LPP: variants seen among roughly 807,000 people sequenced by gnomAD.
The protein encoded by LPP is lipoma-preferred partner.
In LPP, 38 loss-of-function variants were observed where a neutral mutation model predicts 60.4. The observed-to-expected ratio is 0.63, with a 90% confidence interval of 0.49 to 0.83. LPP has a LOEUF of 0.83. Among genes scored for constraint, LPP ranks in the 40% least tolerant of loss-of-function variants. LPP has a pLI of 0.00. For synonymous variants in LPP, 328 were observed against 290.8 expected (o/e 1.13, Z -1.30); for missense variants, 902 against 783.6 (o/e 1.15, Z -1.80).
intron 9 of LPP, among the ~76,000 whole-genome samples, chr3:188,818,644 A>G (rs781659295): frequency 1.3e-5 from 2 of 152,144 alleles, no homozygotes; most frequent in Non-Finnish European, 2.9e-5. Flanking sequence ...GGATGGAAAG[A>G]GTTTAGACTT....
intron 5 of LPP, among the ~76,000 whole-genome samples, chr3:188,493,773 T>C (rs1227710332): frequency 6.6e-6 from 1 of 152,170 alleles, no homozygotes; most frequent in Non-Finnish European, 1.5e-5. Flanking sequence ...GTTGAAAATA[T>C]ATTTTAATCT....
In LPP at chr3:188,839,518, A is replaced by G. The variant is rs77285568; in HGVS notation, c.1411-26682A>G. On this transcript the variant is annotated intron_variant, in intron 9 of 11. Transcript: ENST00000617246. ...AGGGTTGTTCATTTGAGTAAACAGC[A>G]AGGTGATAAGGCGCAGGGACGGACC... Among the ~76,000 whole-genome samples, 213 of 152,312 alleles carry G rather than the reference A, an allele frequency of 1.4e-3. 2 individuals are homozygous for G. Among genetic ancestry groups the G allele is most frequent in the Admixed American group, 5.8e-3 (88 of 15,292 alleles).
At chr3:188,739,105 T>C (rs1300324710) in intron 8 of LPP, among the ~76,000 whole-genome samples, 1 of 152,104 alleles carries the variant, frequency 6.6e-6, no homozygotes, top group Non-Finnish European at 1.5e-5. Context: ...TTAACATGAT[T>C]GCTTGAAAAG....
At chr3:188,744,615 G>A (rs1725526464) in intron 8 of LPP, among the ~76,000 whole-genome samples, 1 of 152,050 alleles carries the variant, frequency 6.6e-6, no homozygotes, top group Admixed American at 6.6e-5. Context: ...CCTGATAGGT[G>A]GCATAGGAAA....
intron 6 of LPP, among the ~76,000 whole-genome samples, chr3:188,535,104 A>C (rs1207780724): frequency 1.3e-5 from 2 of 151,106 alleles, no homozygotes; most frequent in African/African-American, 4.9e-5. Flanking sequence ...TTCATTTACA[A>C]ATGCGGACAG....
Position 188,889,785 on chromosome 3 carries a change from A to T in LPP, c.*15306A>T. On this transcript the variant is annotated 3_prime_UTR_variant, in exon 12 of 12. Transcript: ENST00000617246. ...TGCTCTAGTCATCATCATTGGATGA[A>T]TCCAGTTGACTCTTTGGCAAAAGGG... is the stretch of plus-strand genomic sequence containing the variant. 4.6e-6 allele frequency: 1 copy of T among 216,962 alleles called. No individual in the cohort carries two copies. Among genetic ancestry groups the T allele is most frequent in the Non-Finnish European group, 9.3e-6 (1 of 107,724 alleles). 13.4% of individuals were successfully genotyped at this position (216,962 alleles called of 1,614,324 possible).
rs565284344 is a variant in LPP at position 188,657,672 on chromosome 3, T to C, written c.1113+47828T>C. Reference sequence around the variant, plus strand: ...CCATATTTCTTCATGATATCCATAGTTTGTCCAACCTAAACAAAGAGCTAG... The same window carrying C: ...CCATATTTCTTCATGATATCCATAGCTTGTCCAACCTAAACAAAGAGCTAG... On this transcript the variant is annotated intron_variant, in intron 7 of 11. Transcript: ENST00000617246. Among the ~76,000 whole-genome samples the C allele has an allele frequency of 4.6e-5, 7 of 152,176 alleles. No homozygotes were observed. The South Asian group carries it at 1.5e-3, about 32-fold the overall frequency.
chr3:188,620,295 A>G (rs1412506070), intron 7 of LPP, among the ~76,000 whole-genome samples: 3 of 152,150 alleles, frequency 2.0e-5, no homozygotes, highest in African/African-American at 7.2e-5. Flanking sequence ...TACACCAGGA[A>G]GAAATCCTCT....
At chr3:188,657,263 T>TATATATATATATATATATATATA (rs1560019880) in intron 7 of LPP, among the ~76,000 whole-genome samples, 16 of 138,452 alleles carry the variant, frequency 1.2e-4, no homozygotes, top group Non-Finnish European at 2.3e-4. Flanking sequence ...AAGGTGTATA[T>TATATATATATATATATATATATA]ATATATATAT....
chr3:188,531,616 A>G (rs1288935476), intron 6 of LPP, among the ~76,000 whole-genome samples: 3 of 152,156 alleles, frequency 2.0e-5, no homozygotes, highest in African/African-American at 7.2e-5. Flanking sequence ...CCTGAAGTGC[A>G]GAGAGGTTTC....
At chr3:188,821,958 A>G (rs1194162871) in intron 9 of LPP, among the ~76,000 whole-genome samples, 1 of 152,086 alleles carries the variant, frequency 6.6e-6, no homozygotes, top group Non-Finnish European at 1.5e-5. Context: ...TGTGGGCTGA[A>G]TTTTGTCCAT....
intron 9 of LPP, among the ~76,000 whole-genome samples, chr3:188,826,341 G>T (rs572812638): frequency 1.3e-5 from 2 of 152,138 alleles, no homozygotes; most frequent in Admixed American, 1.3e-4. Flanking sequence ...TCCTCGTGTC[G>T]ATTCTTGCCC....
chr3:188,839,151 AAG>A (rs1759270567), intron 9 of LPP, among the ~76,000 whole-genome samples: 1 of 152,232 alleles, frequency 6.6e-6, no homozygotes, highest in Non-Finnish European at 1.5e-5. Flanking sequence ...ATCTCTAGGA[AAG>A]AGAGAACCCT....
intron 4 of LPP, among the ~76,000 whole-genome samples, chr3:188,479,119 A>G (rs1473330736): frequency 6.6e-6 from 1 of 152,104 alleles, no homozygotes; most frequent in Non-Finnish European, 1.5e-5. Flanking sequence ...ACCATGATTA[A>G]AAAAGTGTTC....
At chr3:188,509,659 TTCCTTCCTTCCTTCCTTCCTTCCTTC>T (rs1560497263) in intron 5 of LPP, among the ~76,000 whole-genome samples, 16 of 34,378 alleles carry the variant, frequency 4.7e-4, no homozygotes, top group East Asian at 2.0e-3. Flanking sequence ...CCTTCCTTCC[TTCCTTCCTTCCTTCCTTCCTTCCTTC>T]CTCTCTCTCT....
At chr3:188,351,992 C>T (rs149814772) in intron 3 of LPP, among the ~76,000 whole-genome samples, 1 of 152,158 alleles carries the variant, frequency 6.6e-6, no homozygotes, top group Non-Finnish European at 1.5e-5. Context: ...GCACTTACTA[C>T]ATTTTACTCC....
At chr3:188,760,306 A>G in intron 9 of LPP, 24 bp downstream of exon 9, 1 of 1,613,570 alleles carries the variant, frequency 6.2e-7, no homozygotes, top group South Asian at 1.1e-5. Flanking sequence ...TTGTTCCTCA[A>G]GCACTTTGCA....
chr3:188,179,843 G>A (rs908344867), intron 1 of LPP: 3 of 273,128 alleles, frequency 1.1e-5, no homozygotes, highest in Non-Finnish European at 2.2e-5. Flanking sequence ...CCATTTGACA[G>A]ATAATGGCAC....
chr3:188,824,037 T>G (rs1348159300), intron 9 of LPP, among the ~76,000 whole-genome samples: 1 of 152,170 alleles, frequency 6.6e-6, no homozygotes, highest in African/African-American at 2.4e-5. Context: ...GTCTCATACT[T>G]TCATCTCAAA....
Sources: allele counts gnomAD v4.1 joint callset (sites outside exome capture counted in the v4.1 genomes callset), GRCh38; gene constraint gnomAD v4.1.1; transcripts MANE v1.5; gene names NCBI Gene and HGNC (gene_info 2026-07-23, HGNC 2026-07-21).